The following PHACTR3 variants were observed in gnomAD, a reference collection of about 807,000 sequenced individuals.
PHACTR3 encodes protein phosphatase 1, regulatory subunit 123.
In PHACTR3, 16 loss-of-function variants were observed where a neutral mutation model predicts 66.8. The observed-to-expected ratio is 0.24, with a 90% confidence interval of 0.16 to 0.36. The LOEUF (loss-of-function observed/expected upper bound fraction) is 0.36, where lower values mean the gene tolerates loss of function less well. Among genes scored for constraint, PHACTR3 ranks in the 10% least tolerant of loss-of-function variants. PHACTR3 has a pLI of 1.00. For synonymous variants in PHACTR3, 323 were observed against 292.1 expected (o/e 1.11, Z -1.08); for missense variants, 647 against 719.9 (o/e 0.90, Z 1.16).
chr20:59,764,832 T>A (rs1340158794), intron 4 of PHACTR3, among the ~76,000 whole-genome samples: 2 of 152,124 alleles, frequency 1.3e-5, no homozygotes, highest in Non-Finnish European at 2.9e-5. Context: ...GATGTGTGAA[T>A]ATCTGAAAAG....
At chr20:59,712,691 T>C (rs2146650801) in intron 1 of PHACTR3, among the ~76,000 whole-genome samples, 1 of 152,378 alleles carries the variant, frequency 6.6e-6, no homozygotes, top group South Asian at 2.1e-4. Context: ...GCAATTTCTT[T>C]CTGGTCATTT....
At chr20:59,674,709 C>T (rs1017914660) in intron 1 of PHACTR3, among the ~76,000 whole-genome samples, 7 of 53,102 alleles carry the variant, frequency 1.3e-4, no homozygotes, top group Non-Finnish European at 1.9e-4. Flanking sequence ...TCTCCTGTCC[C>T]CCCTTCTCCT....
chr20:59,717,958 G>C (rs73915087), intron 1 of PHACTR3, among the ~76,000 whole-genome samples: 5 of 152,304 alleles, frequency 3.3e-5, no homozygotes, highest in African/African-American at 1.2e-4. Context: ...TCCCATCCAG[G>C]TTCACAGATA....
intron 7 of PHACTR3, among the ~76,000 whole-genome samples, chr20:59,793,000 T>C (rs2041147937): frequency 6.6e-6 from 1 of 152,196 alleles, no homozygotes. Context: ...TCCTCAAACA[T>C]TGGCTTTCTG....
intron 1 of PHACTR3, among the ~76,000 whole-genome samples, chr20:59,627,198 G>T (rs978170432): frequency 2.0e-5 from 3 of 152,200 alleles, no homozygotes; most frequent in Non-Finnish European, 4.4e-5. Flanking sequence ...TTCAGAGAAT[G>T]CAACCTTGCT....
chr20:59,843,090 G>T (rs1196122839), intron 11 of PHACTR3, among the ~76,000 whole-genome samples: 1 of 151,858 alleles, frequency 6.6e-6, no homozygotes, highest in Admixed American at 6.6e-5. Context: ...GACTAGCTAA[G>T]AAAGAAATCA....
At position 59,830,957 on chromosome 20, in the gene PHACTR3, T is replaced by C. The variant is rs559259033; in HGVS notation, c.1329-5548T>C. Among the ~76,000 whole-genome samples the C allele has an allele frequency of 8.2e-4, 125 of 151,594 alleles. No individual in the cohort carries two copies. Among genetic ancestry groups the C allele is most frequent in the Admixed American group, 4.0e-3 (61 of 15,292 alleles). On this transcript the variant is annotated intron_variant, in intron 8 of 12. Transcript: ENST00000371015. The surrounding 1 kb of genome is among the most constrained non-coding windows in gnomAD (Gnocchi z 5.8). ...CAGTGGCATCATGACTCCTGGAGCC[T>C]CTCCAGGCGTCCTGACTGTCCAGGC...
chr20:59,699,153 T>C (rs1568723790), intron 1 of PHACTR3, among the ~76,000 whole-genome samples: 1 of 152,214 alleles, frequency 6.6e-6, no homozygotes, highest in Non-Finnish European at 1.5e-5. Flanking sequence ...AGGACGTAAG[T>C]GCAGAGCCCA....
At chr20:59,661,336 C>A (rs1376393696) in intron 1 of PHACTR3, among the ~76,000 whole-genome samples, 50 of 152,194 alleles carry the variant, frequency 3.3e-4, no homozygotes, top group African/African-American at 1.1e-3. Context: ...GGACCAACGA[C>A]AGGCCCATGA....
intron 7 of PHACTR3, among the ~76,000 whole-genome samples, chr20:59,781,240 C>T (rs546442773): frequency 3.9e-5 from 6 of 152,290 alleles, no homozygotes; most frequent in Non-Finnish European, 7.3e-5. Context: ...GGGACAAGGG[C>T]AAGGGGAATT....
intron 1 of PHACTR3, among the ~76,000 whole-genome samples, chr20:59,654,990 G>T (rs772059888): frequency 6.6e-6 from 1 of 152,034 alleles, no homozygotes; most frequent in Non-Finnish European, 1.5e-5. Flanking sequence ...TTGCATATTT[G>T]TGTTTTTTCC....
At chr20:59,655,346 A>G (rs2146460587) in intron 1 of PHACTR3, among the ~76,000 whole-genome samples, 1 of 152,188 alleles carries the variant, frequency 6.6e-6, no homozygotes, top group Admixed American at 6.5e-5. Flanking sequence ...TAATTGTTTT[A>G]AATATCTTTC....
intron 7 of PHACTR3, among the ~76,000 whole-genome samples, chr20:59,791,731 T>TC (rs74182795): frequency 1.0e-5 from 1 of 95,762 alleles, no homozygotes; most frequent in African/African-American, 3.9e-5. Flanking sequence ...ATGCTATCCC[T>TC]CCCCCACCCC....
chr20:59,825,017 G>A (rs1047239045), intron 8 of PHACTR3, among the ~76,000 whole-genome samples: 2 of 152,210 alleles, frequency 1.3e-5, no homozygotes, highest in African/African-American at 4.8e-5. Flanking sequence ...CCAGAACCAT[G>A]CCCCCTGCAG....
At chr20:59,809,701 T>C (rs2041677065) in intron 8 of PHACTR3, among the ~76,000 whole-genome samples, 1 of 152,150 alleles carries the variant, frequency 6.6e-6, no homozygotes, top group African/African-American at 2.4e-5. Context: ...TCACAGCCTT[T>C]TTCTGTGAGG....
chr20:59,601,942 T>C (rs2033489144), upstream of PHACTR3, among the ~76,000 whole-genome samples: 1 of 152,200 alleles, frequency 6.6e-6, no homozygotes, highest in African/African-American at 2.4e-5. Flanking sequence ...CCCTCATCCA[T>C]ACACAGTTTG....
rs1120465 is a variant in PHACTR3, at chr20:59,656,355, A to T, written c.118+51223A>T. On this transcript the variant is annotated intron_variant, in intron 1 of 12. Transcript: ENST00000371015. The stretch of plus-strand genomic sequence containing the variant: ...AGGTACATATATATTTATCATTTTT[A>T]TGCCTCCCTGATGGATTGACTCTTT... Among the ~76,000 whole-genome samples, 1,162 of 151,888 alleles carry T rather than the reference A, an allele frequency of 7.7e-3. 17 individuals are homozygous for T. The highest frequency in any genetic ancestry group is 0.026 in the African/African-American group (1,093 of 41,526).
chr20:59,652,935 TTAAAA>T (rs1356205687), intron 1 of PHACTR3, among the ~76,000 whole-genome samples: 1 of 152,154 alleles, frequency 6.6e-6, no homozygotes, highest in Admixed American at 6.6e-5. Context: ...CTTAGATTGT[TTAAAA>T]TAAATGCTGG....
chr20:59,633,422 G>A (rs1316344008), intron 1 of PHACTR3, among the ~76,000 whole-genome samples: 12 of 152,104 alleles, frequency 7.9e-5, no homozygotes, highest in Non-Finnish European at 1.5e-5. Context: ...AATACCACAT[G>A]CTCTCACTTA....
Sources: allele counts gnomAD v4.1 joint callset (sites outside exome capture counted in the v4.1 genomes callset), GRCh38; gene constraint gnomAD v4.1.1; non-coding constraint Gnocchi (gnomAD v3.1); transcripts MANE v1.5; gene names NCBI Gene and HGNC (gene_info 2026-07-23, HGNC 2026-07-21).